The following SNX29 variants were observed in gnomAD, a reference collection of about 807,000 sequenced individuals.
The protein encoded by SNX29 is sorting nexin 29.
A neutral mutation model predicts 102.1 loss-of-function variants in SNX29; 78 were observed. The ratio of observed to expected loss-of-function variants is 0.76; its 90% CI spans 0.64 to 0.92. The LOEUF is 0.92. Among genes scored for constraint, SNX29 ranks in the 40% least tolerant of loss-of-function variants. SNX29 has a pLI of 0.00. For synonymous variants in SNX29, 580 were observed against 414.5 expected (o/e 1.40, Z -4.85); for missense variants, 1,280 against 1,061.7 (o/e 1.21, Z -2.86).
chr16:12,428,593 A>G (rs185844558), intron 18 of SNX29, among the ~76,000 whole-genome samples: 4 of 152,166 alleles, frequency 2.6e-5, no homozygotes, highest in Admixed American at 1.3e-4. Flanking sequence ...GTTAGTCCCA[A>G]TACATAGATA....
At chr16:12,346,857 A>G (rs965941493) in intron 15 of SNX29, among the ~76,000 whole-genome samples, 8 of 152,122 alleles carry the variant, frequency 5.3e-5, no homozygotes, top group Admixed American at 6.5e-5. Flanking sequence ...CTGCTGCTCT[A>G]TGAAGCCTCC....
rs2053349788 is a variant in SNX29, at chr16:12,108,236, A to T, written c.1403-18397A>T. On this transcript the variant is annotated intron_variant, in intron 11 of 20. Coordinates refer to ENST00000566228, the MANE Select transcript of SNX29 (RefSeq NM_032167.5). ...GGCATTCTTTGATGAGCTATGGTAG[A>T]GGTTAGGAAGGGCCAGGACTGAGGT... Among the ~76,000 whole-genome samples, 3 of 152,234 alleles carry T rather than the reference A, an allele frequency of 2.0e-5. No homozygotes were observed. In the South Asian group the frequency reaches 6.2e-4, roughly 32 times the overall value.
intron 18 of SNX29, among the ~76,000 whole-genome samples, chr16:12,428,060 C>T (rs1237139047): frequency 6.6e-6 from 1 of 152,150 alleles, no homozygotes; most frequent in East Asian, 1.9e-4. Flanking sequence ...AAGAGTAGGC[C>T]TTAGATTCAA....
chr16:12,522,428 G>A (rs1036781326), intron 19 of SNX29, among the ~76,000 whole-genome samples: 10 of 152,030 alleles, frequency 6.6e-5, no homozygotes, highest in Non-Finnish European at 1.3e-4. Flanking sequence ...TTTGATTTTT[G>A]ATTTGTTTTT....
chr16:12,450,369 C>A (rs896304969), intron 18 of SNX29, among the ~76,000 whole-genome samples: 2 of 152,220 alleles, frequency 1.3e-5, no homozygotes, highest in Non-Finnish European at 2.9e-5. Context: ...AACAGCCTTT[C>A]TTCTCATGGG....
At chr16:12,495,054 T>C (rs1188539630) in intron 19 of SNX29, among the ~76,000 whole-genome samples, 1 of 152,250 alleles carries the variant, frequency 6.6e-6, no homozygotes, top group Non-Finnish European at 1.5e-5. Context: ...TTCAAGCTCT[T>C]TCTTGCCTCA....
At chr16:12,523,018 C>T (rs1828070515) in intron 19 of SNX29, among the ~76,000 whole-genome samples, 4 of 152,162 alleles carry the variant, frequency 2.6e-5, no homozygotes, top group African/African-American at 7.2e-5. Context: ...TGTTATGTTA[C>T]CCAGGCTGGT....
rs541797640 is a variant in SNX29, at chr16:12,570,957, C to T, written c.*2328C>T. The T allele has an allele frequency of 4.7e-4, 110 of 232,250 alleles. 1 individual carries two copies. The highest frequency in any genetic ancestry group is 2.1e-3 in the African/African-American group (95 of 45,402). 14.4% of individuals were successfully genotyped at this position (232,250 alleles called of 1,614,324 possible). Reference sequence around the variant, plus strand: ...CTGGGAGCCACATGGGGACCATCCCCAGCTGCCTGCTCCTGGTACCTCCCC... The same window carrying T: ...CTGGGAGCCACATGGGGACCATCCCTAGCTGCCTGCTCCTGGTACCTCCCC... On this transcript the variant is annotated 3_prime_UTR_variant, in exon 21 of 21. Transcript: ENST00000566228.
At chr16:12,073,084 G>C (rs1025929254) in intron 10 of SNX29, among the ~76,000 whole-genome samples, 1 of 151,724 alleles carries the variant, frequency 6.6e-6, no homozygotes, top group Non-Finnish European at 1.5e-5. Context: ...TCTTGCTAAC[G>C]GTCTATCAAT....
intron 2 of SNX29, among the ~76,000 whole-genome samples, chr16:12,001,157 G>A (rs2056272478): frequency 6.6e-6 from 1 of 152,154 alleles, no homozygotes; most frequent in Non-Finnish European, 1.5e-5. Context: ...TGTCGCCCGG[G>A]CTGGAGTACA....
chr16:12,117,130 C>T (rs1417682062), intron 11 of SNX29, among the ~76,000 whole-genome samples: 1 of 146,814 alleles, frequency 6.8e-6, no homozygotes, highest in Non-Finnish European at 1.5e-5. Context: ...TGGAAACAGG[C>T]GTGGTCAATA....
intron 8 of SNX29, among the ~76,000 whole-genome samples, chr16:12,055,195 A>C (rs2050469706): frequency 7.1e-6 from 1 of 140,920 alleles, no homozygotes; most frequent in Admixed American, 7.1e-5. Flanking sequence ...TGTACCTCTA[A>C]CTCCATTTCT....
At position 12,002,992 on chromosome 16, in the gene SNX29, G is replaced by C. The variant is rs2056341258; in HGVS notation, c.71G>C (p.Cys24Ser). 6.2e-7 allele frequency: 1 copy of C among 1,614,200 alleles called. No homozygotes were observed. The highest frequency in any genetic ancestry group is 1.3e-5 in the African/African-American group (1 of 75,048). ...LERLLDAVKQCQIRFGGRKEI... is the reference protein window; with the variant it reads ...LERLLDAVKQSQIRFGGRKEI... ...TCAGCAGCTTCTTTTTCTGTGCAGT[G>C]CCAGATCCGCTTTGGAGGGAGAAAG... The change falls in exon 3 of 21, where the codon TGC becomes TCC. Residue 24 changes from cysteine (C) to serine (S), a missense_variant and splice_region_variant. Cys to Ser is a moderately radical substitution (Grantham distance 112, BLOSUM62 -1). Coordinates refer to ENST00000566228, the MANE Select transcript of SNX29 (RefSeq NM_032167.5).
chr16:12,227,899 TAAAAAA>T (rs59381762), intron 14 of SNX29, among the ~76,000 whole-genome samples: 3 of 71,570 alleles, frequency 4.2e-5, no homozygotes, highest in East Asian at 1.0e-3. Flanking sequence ...GACTCTGTCT[TAAAAAA>T]AAAAAAAAAA....
In SNX29 at chr16:12,477,809, C is replaced by A. The variant is rs755225287; in HGVS notation, c.2128C>A (p.Pro710Thr). Residue 710 changes from proline to threonine, a missense_variant, in exon 19 of 21, where the codon CCT becomes ACT. Transcript: ENST00000566228. Reference sequence around the variant, plus strand: ...GCACCACAAGTTACAAAACAAGTACCCTCAAGTGAGGGCCTACAACTTCCC... The same window carrying A: ...GCACCACAAGTTACAAAACAAGTACACTCAAGTGAGGGCCTACAACTTCCC... Reference protein sequence around the residue: ...SLHHKLQNKYPQVRAYNFPPK... With the variant: ...SLHHKLQNKYTQVRAYNFPPK... The A allele has an allele frequency of 1.9e-6, 3 of 1,613,336 alleles. No homozygotes were observed. In the South Asian group the frequency reaches 3.3e-5, roughly 18 times the overall value.
chr16:12,068,336 T>A (rs1173805113), intron 9 of SNX29, among the ~76,000 whole-genome samples: 1 of 151,600 alleles, frequency 6.6e-6, no homozygotes, highest in Non-Finnish European at 1.5e-5. Flanking sequence ...AAAAATAAAT[T>A]AGCTCGGCAT....
At chr16:12,210,797 T>C (rs1203389729) in intron 14 of SNX29, among the ~76,000 whole-genome samples, 3 of 151,968 alleles carry the variant, frequency 2.0e-5, no homozygotes, top group African/African-American at 7.3e-5. Flanking sequence ...CCCTTCTCTC[T>C]TGTTTCACTC....
chr16:12,112,211 G>C (rs1286771219), intron 11 of SNX29, among the ~76,000 whole-genome samples: 1 of 152,212 alleles, frequency 6.6e-6, no homozygotes, highest in Non-Finnish European at 1.5e-5. Context: ...CCAGCTGCCA[G>C]TCTGTCCTGA....
At chr16:12,218,385 G>A (rs57855933) in intron 14 of SNX29, among the ~76,000 whole-genome samples, 11,307 of 152,056 alleles carry the variant, frequency 0.074, 621 homozygotes, top group South Asian at 0.27. Flanking sequence ...TACAGTCTAT[G>A]TCAGGAGTTG....
Sources: allele counts gnomAD v4.1 joint callset (sites outside exome capture counted in the v4.1 genomes callset), GRCh38; gene constraint gnomAD v4.1.1; transcripts MANE v1.5; gene names NCBI Gene and HGNC (gene_info 2026-07-23, HGNC 2026-07-21).